Variants in TGDS observed in about 807,000 individuals in gnomAD.
TGDS encodes the protein TDP-glucose 4,6-dehydratase.
Under a neutral mutation model 52.3 loss-of-function variants are expected in TGDS, and 47 were observed. The ratio of observed to expected loss-of-function variants is 0.90; its 90% CI spans 0.71 to 1.15. The LOEUF (loss-of-function observed/expected upper bound fraction) is 1.15, where lower values mean the gene tolerates loss of function less well. Ranked by LOEUF, TGDS falls within the 50% of genes most tolerant of loss-of-function variation. The pLI, the probability that TGDS is intolerant of heterozygous loss-of-function variation, is 0.00. For missense variants in TGDS, 375 were observed against 418.4 expected, an observed-to-expected ratio of 0.90 and a Z score of 0.90; for synonymous variants, 115 against 136.9, an observed-to-expected ratio of 0.84 and a Z score of 1.12.
intron 2 of TGDS, 152 bp from the exon 3 acceptor site, chr13:94,592,461 C>CT (rs368804718): frequency 1.3e-3 from 748 of 595,506 alleles, no homozygotes; most frequent in African/African-American, 3.2e-3. Context: ...CTTTACACTA[C>CT]TTTTTTTTTG....
At chr13:94,594,598 T>C (rs1889311276) in intron 1 of TGDS, among the ~76,000 whole-genome samples, 1 of 152,174 alleles carries the variant, frequency 6.6e-6, no homozygotes, top group South Asian at 2.1e-4. Flanking sequence ...AGGGGAGCCC[T>C]TGACCAAATT....
chr13:94,592,841 C>G (rs1002637105), intron 2 of TGDS, among the ~76,000 whole-genome samples: 7 of 152,052 alleles, frequency 4.6e-5, no homozygotes, highest in Non-Finnish European at 8.8e-5. Context: ...AAACAAAAAC[C>G]TTTTCATAAA....
At chr13:94,594,420 A>G (rs1889305390) in intron 1 of TGDS, among the ~76,000 whole-genome samples, 1 of 152,204 alleles carries the variant, frequency 6.6e-6, no homozygotes, top group Non-Finnish European at 1.5e-5. Context: ...GGAGGCTTCT[A>G]GACTAAACCC....
intron 6 of TGDS, among the ~76,000 whole-genome samples, chr13:94,580,380 G>A (rs1269896406): frequency 2.0e-5 from 3 of 152,178 alleles, no homozygotes; most frequent in African/African-American, 4.8e-5. Context: ...AAATGGTGAG[G>A]GAATCTTTAG....
At chr13:94,579,636 A>G (rs1184415981) in intron 7 of TGDS, 1 of 312,680 alleles carries the variant, frequency 3.2e-6, no homozygotes, top group African/African-American at 2.2e-5. Flanking sequence ...GTATTTTCAC[A>G]TATATCATTC....
intron 1 of TGDS, chr13:94,595,837 TG>T (rs1889355108): frequency 3.3e-6 from 2 of 610,770 alleles, no homozygotes; most frequent in African/African-American, 1.9e-5. Flanking sequence ...AACGCAGCTT[TG>T]GAAGAGGCGT....
chr13:94,581,309 A>G (rs760074321), intron 5 of TGDS, 120 bp from the exon 6 acceptor site: 35 of 586,078 alleles, frequency 6.0e-5, no homozygotes, highest in Non-Finnish European at 8.1e-5. Flanking sequence ...CTTAAATCCT[A>G]TGTGCCTGGT....
intron 11 of TGDS, 145 bp downstream of exon 11, chr13:94,576,169 A>T: frequency 2.1e-6 from 1 of 487,786 alleles, no homozygotes; most frequent in Non-Finnish European, 3.4e-6. Flanking sequence ...CAGGACTGCT[A>T]CTAGAAATAT....
chr13:94,579,799 ATAT>A, intron 7 of TGDS, 92 bp downstream of exon 7: 1 of 692,728 alleles, frequency 1.4e-6, no homozygotes, highest in East Asian at 2.8e-5. Context: ...AATTTACAAC[ATAT>A]TATTTTAGAC....
intron 4 of TGDS, among the ~76,000 whole-genome samples, chr13:94,586,748 A>ATTCTTTTTTTT (rs1566960948): frequency 1.1e-5 from 1 of 88,444 alleles, no homozygotes. Context: ...AAGAAATCAA[A>ATTCTTTTTTTT]TTATTTTTTT....
At chr13:94,594,391 T>C (rs1202517150) in intron 1 of TGDS, among the ~76,000 whole-genome samples, 1 of 152,218 alleles carries the variant, frequency 6.6e-6, no homozygotes, top group African/African-American at 2.4e-5. Context: ...ATTTTGGTAA[T>C]GTTAAACCAG....
In TGDS at chr13:94,574,356, A is replaced by G. The variant is rs1297631890; in HGVS notation, c.*426T>C. On this transcript the variant is annotated 3_prime_UTR_variant, in exon 12 of 12. Coordinates refer to ENST00000261296, the MANE Select transcript of TGDS (RefSeq NM_014305.4). ...AGGCAATGATAGCATATCAGATCTT[A>G]AAAAAGAAATGGTGAATTAGGGCCT... 1 of 154,128 alleles carries G rather than the reference A, an allele frequency of 6.5e-6. No homozygotes were observed. The highest frequency in any genetic ancestry group is 1.9e-4 in the East Asian group (1 of 5,292). The allele number at this position is 154,128 out of a possible 1,614,324, so 9.5% of individuals were successfully genotyped here. A position where few individuals can be genotyped will look rare whatever the true frequency, so the allele number is the denominator to read the frequency against.
intron 1 of TGDS, 194 bp downstream of exon 1, chr13:94,595,857 A>T: frequency 1.6e-6 from 1 of 644,116 alleles, no homozygotes; most frequent in Non-Finnish European, 2.8e-6. Flanking sequence ...GTTTTAAAGA[A>T]GTCAGTTTCA....
chr13:94,590,792 T>A, intron 4 of TGDS, 61 bp downstream of exon 4: 1 of 1,296,074 alleles, frequency 7.7e-7, no homozygotes, highest in Non-Finnish European at 1.1e-6. Flanking sequence ...ATATAAGTAT[T>A]AGGGGGGCGA....
Position 94,579,947 on chromosome 13 carries a change from C to T in TGDS, c.562G>A (p.Val188Ile), listed in dbSNP as rs1183728299. 3 of 1,597,452 alleles carry T rather than the reference C, an allele frequency of 1.9e-6. No individual in the cohort carries two copies. Among genetic ancestry groups the T allele is most frequent in the South Asian group, 1.1e-5 (1 of 88,530 alleles). ...ACATTACTGCTTCTTGTGATGACAA[C>T]TGGAAACTTAAAAGAATATCCAACA... is the stretch of plus-strand genomic sequence containing the variant. The part of the protein sequence containing the change: ...QSYWEQYKFP[V>I]VITRSSNVYG... The change falls in exon 7 of 12, where the codon GTT (valine) becomes ATT (isoleucine). Residue 188 changes from valine to isoleucine, a missense_variant. Coordinates refer to ENST00000261296, the MANE Select transcript of TGDS (RefSeq NM_014305.4).
chr13:94,582,830 A>G (rs917563885), intron 5 of TGDS, among the ~76,000 whole-genome samples: 8 of 152,184 alleles, frequency 5.3e-5, no homozygotes, highest in Non-Finnish European at 8.8e-5. Context: ...AAATTCTTCA[A>G]TTCTGGGACT....
rs3742107 is a variant in TGDS at position 94,575,086 on chromosome 13, C to T, written c.983-234G>A. On this transcript the variant is annotated intron_variant, in intron 11 of 11. Transcript: ENST00000261296. ...ATTAAAAATCAACTATTTTTTTCTT[C>T]TTAACTTCTAAAGTCATTCAATACT... Among the ~76,000 whole-genome samples the T allele has an allele frequency of 0.69, 105,338 of 151,752 alleles. 37,152 individuals are homozygous for T. The highest frequency in any genetic ancestry group is 0.81 in the African/African-American group (33,752 of 41,426).
intron 4 of TGDS, among the ~76,000 whole-genome samples, chr13:94,583,447 A>G (rs1594446293): frequency 6.6e-6 from 1 of 152,190 alleles, no homozygotes; most frequent in Non-Finnish European, 1.5e-5. Context: ...AACCCAGAAA[A>G]CTAATGTTAA....
intron 4 of TGDS, among the ~76,000 whole-genome samples, chr13:94,586,072 T>C (rs933275086): frequency 1.3e-5 from 2 of 152,082 alleles, no homozygotes; most frequent in African/African-American, 4.8e-5. Flanking sequence ...AAACAATTTT[T>C]TACAAAGGAA....
Sources: allele counts gnomAD v4.1 joint callset (sites outside exome capture counted in the v4.1 genomes callset), GRCh38; gene constraint gnomAD v4.1.1; transcripts MANE v1.5; gene names NCBI Gene and HGNC (gene_info 2026-07-23, HGNC 2026-07-21).